Variants in SLC35F1 observed in about 807,000 individuals in gnomAD.
SLC35F1 encodes solute carrier family 35 member F1, also known as chromosome 6 open reading frame 169.
SLC35F1 carries 14 observed loss-of-function variants against 48.7 expected under a neutral mutation model. That is an observed-to-expected ratio of 0.29 (90% CI 0.19 to 0.45). The LOEUF is 0.45. Among genes scored for constraint, SLC35F1 ranks in the 20% least tolerant of loss-of-function variants. The probability of loss-of-function intolerance (pLI) is 1.00; values close to 1 mark genes in which losing one functional copy is unlikely to be tolerated. For synonymous variants in SLC35F1, 190 were observed against 202.2 expected, an observed-to-expected ratio of 0.94 and a Z score of 0.51; for missense variants, 404 against 500.0, an observed-to-expected ratio of 0.81 and a Z score of 1.83.
At chr6:118,291,652 T>A (rs998099628) in intron 7 of SLC35F1, among the ~76,000 whole-genome samples, 1 of 152,210 alleles carries the variant, frequency 6.6e-6, no homozygotes, top group African/African-American at 2.4e-5. Context: ...CATTCCCTGG[T>A]GGCTTCCATA....
intron 7 of SLC35F1, among the ~76,000 whole-genome samples, chr6:118,299,813 A>C (rs1776234967): frequency 6.6e-6 from 1 of 152,222 alleles, no homozygotes; most frequent in African/African-American, 2.4e-5. Flanking sequence ...ATCCAGGCTC[A>C]CAGACCCCAC....
At chr6:118,204,114 C>T (rs1055929843) in intron 2 of SLC35F1, among the ~76,000 whole-genome samples, 1 of 151,014 alleles carries the variant, frequency 6.6e-6, no homozygotes, top group Non-Finnish European at 1.5e-5. Context: ...TGAGATGAGA[C>T]CCAAGACATA....
chr6:117,932,804 C>T (rs1582570940), intron 1 of SLC35F1, among the ~76,000 whole-genome samples: 2 of 152,108 alleles, frequency 1.3e-5, no homozygotes. Flanking sequence ...CTTTAGGAAG[C>T]TCCTCTGACC....
intron 1 of SLC35F1, among the ~76,000 whole-genome samples, chr6:117,957,040 TC>T (rs1182709406): frequency 6.6e-6 from 1 of 152,182 alleles, no homozygotes; most frequent in Non-Finnish European, 1.5e-5. Context: ...GGGTGCTTTT[TC>T]TTTAGCCATG....
chr6:118,240,837 G>A lies in SLC35F1; in HGVS notation c.477+5201G>A, dbSNP rs138492324. 3.3e-3 allele frequency among the ~76,000 whole-genome samples: 499 copies of A among 152,310 alleles called. 3 individuals carry two copies. Among genetic ancestry groups the A allele is most frequent in the African/African-American group, 0.011 (475 of 41,582 alleles). The stretch of plus-strand genomic sequence containing the variant: ...CAAGGATGAGGTTCCGAGCAGGGTC[G>A]TGTCTGGGCAAGGACACCAAAGAGA... On this transcript the variant is annotated intron_variant, in intron 3 of 7. Coordinates refer to ENST00000360388, the MANE Select transcript of SLC35F1 (RefSeq NM_001029858.4).
chr6:117,913,751 GT>G (rs35159914), intron 1 of SLC35F1, among the ~76,000 whole-genome samples: 43,955 of 151,970 alleles, frequency 0.29, 6,533 homozygotes, highest in Middle Eastern at 0.36. Context: ...TATAATTTAA[GT>G]TTTAAAAATA....
At chr6:118,134,894 C>T (rs1164346241) in intron 1 of SLC35F1, among the ~76,000 whole-genome samples, 9 of 152,206 alleles carry the variant, frequency 5.9e-5, no homozygotes, top group Admixed American at 5.9e-4. Flanking sequence ...ACTCCCCCTC[C>T]TAAGTTTCAG....
intron 1 of SLC35F1, among the ~76,000 whole-genome samples, chr6:118,021,029 A>C (rs1777387144): frequency 6.6e-6 from 1 of 152,146 alleles, no homozygotes; most frequent in Admixed American, 6.5e-5. Context: ...TGGGGACATA[A>C]TTAAAGGAAG....
intron 1 of SLC35F1, among the ~76,000 whole-genome samples, chr6:117,923,953 A>G (rs561444885): frequency 6.6e-6 from 1 of 150,926 alleles, no homozygotes; most frequent in East Asian, 2.0e-4. Context: ...GACACTTTAT[A>G]TATACATATA....
chr6:118,220,740 G>A (rs1406816537), intron 2 of SLC35F1, among the ~76,000 whole-genome samples: 1 of 152,148 alleles, frequency 6.6e-6, no homozygotes, highest in Non-Finnish European at 1.5e-5. Flanking sequence ...CAGAGCTGGG[G>A]GAGAATGGCA....
chr6:117,964,433 G>A (rs1776534951), intron 1 of SLC35F1, among the ~76,000 whole-genome samples: 1 of 152,182 alleles, frequency 6.6e-6, no homozygotes, highest in Non-Finnish European at 1.5e-5. Context: ...GCTTGGAGGT[G>A]GGACCTAAAC....
intron 1 of SLC35F1, among the ~76,000 whole-genome samples, chr6:118,058,313 G>A (rs1188941375): frequency 6.6e-6 from 1 of 152,058 alleles, no homozygotes; most frequent in African/African-American, 2.4e-5. Context: ...CCATAAACTA[G>A]GAACCCAAGG....
intron 1 of SLC35F1, among the ~76,000 whole-genome samples, chr6:117,978,949 TG>T (rs1211106755): frequency 2.0e-5 from 3 of 152,184 alleles, no homozygotes; most frequent in Non-Finnish European, 4.4e-5. Context: ...TACTTTCCTT[TG>T]GGGGCATGTG....
At chr6:118,090,552 T>C (rs1773057813) in intron 1 of SLC35F1, among the ~76,000 whole-genome samples, 1 of 152,092 alleles carries the variant, frequency 6.6e-6, no homozygotes, top group African/African-American at 2.4e-5. Flanking sequence ...TGAGTGAAAA[T>C]TCTGTCTATG....
chr6:118,126,747 T>G (rs1328041632), intron 1 of SLC35F1, among the ~76,000 whole-genome samples: 1 of 151,710 alleles, frequency 6.6e-6, no homozygotes, highest in Non-Finnish European at 1.5e-5. Context: ...GAAGCAATTG[T>G]GAATGGGAGT....
At chr6:117,996,906 G>A (rs1043953542) in intron 1 of SLC35F1, among the ~76,000 whole-genome samples, 6 of 152,306 alleles carry the variant, frequency 3.9e-5, no homozygotes, top group South Asian at 2.1e-4. Context: ...CACCAGCAAC[G>A]AAACAAAGCT....
chr6:117,963,798 T>A (rs1457318557), intron 1 of SLC35F1, among the ~76,000 whole-genome samples: 6 of 152,180 alleles, frequency 3.9e-5, no homozygotes, highest in East Asian at 1.9e-4. Flanking sequence ...TTATTTTTTT[T>A]AAATTAAATT....
At chr6:118,070,799 G>A (rs1772691431) in intron 1 of SLC35F1, among the ~76,000 whole-genome samples, 2 of 142,736 alleles carry the variant, frequency 1.4e-5, no homozygotes, top group East Asian at 4.1e-4. Flanking sequence ...TCCCAATATA[G>A]TGATATTATA....
chr6:118,088,826 G>T (rs1773030714), intron 1 of SLC35F1, among the ~76,000 whole-genome samples: 1 of 152,072 alleles, frequency 6.6e-6, no homozygotes, highest in Admixed American at 6.6e-5. Flanking sequence ...GAAAAGGAGG[G>T]TTTTTCCTAA....
Sources: gnomAD v4.1 joint callset for allele counts (sites outside exome capture counted in the v4.1 genomes callset) on GRCh38, gnomAD v4.1.1 for gene constraint, MANE v1.5 for transcripts, NCBI Gene and HGNC (gene_info 2026-07-23, HGNC 2026-07-21) for gene names.